The following STIM2 variants were observed in gnomAD, a reference collection of about 807,000 sequenced individuals.
STIM2 encodes the protein stromal interaction molecule 2.
STIM2 carries 31 observed loss-of-function variants against 85.8 expected under a neutral mutation model. That is an observed-to-expected ratio of 0.36 (90% CI 0.27 to 0.49). The LOEUF is 0.49. Among genes scored for constraint, STIM2 ranks in the 20% least tolerant of loss-of-function variants. STIM2 has a pLI of 0.98. For missense variants in STIM2, 841 were observed against 927.6 expected (o/e 0.91, Z 1.21); for synonymous variants, 356 against 331.1 (o/e 1.08, Z -0.82).
intron 1 of STIM2, among the ~76,000 whole-genome samples, chr4:26,888,972 A>G (rs1412307616): frequency 1.3e-5 from 2 of 152,302 alleles, no homozygotes; most frequent in African/African-American, 4.8e-5. Flanking sequence ...CAAAGTGGCC[A>G]GGTGGTAGTC....
rs185145058 is a variant in STIM2, at chr4:26,894,210, T to C, written c.152-25294T>C. Among the ~76,000 whole-genome samples the C allele has an allele frequency of 4.4e-3, 672 of 152,284 alleles. 8 individuals are homozygous for C. Among genetic ancestry groups the C allele is most frequent in the African/African-American group, 0.016 (651 of 41,564 alleles). ...CCTAATTCTTTATATTTCTGTTATA[T>C]TTGATCACAATTGCAATATCTCTTC... On this transcript the variant is annotated intron_variant, in intron 1 of 11. Transcript: ENST00000467087.
At chr4:26,929,291 T>C (rs1430366257) in intron 2 of STIM2, among the ~76,000 whole-genome samples, 3 of 152,204 alleles carry the variant, frequency 2.0e-5, no homozygotes, top group Non-Finnish European at 4.4e-5. Flanking sequence ...TGTGATGTGT[T>C]TGTATGCTTT....
rs891650490 is a variant in STIM2, at chr4:27,021,325, A to G, written c.1764-1194A>G. 15 of 416,664 alleles carry G rather than the reference A, an allele frequency of 3.6e-5. 1 individual carries two copies. The highest frequency in any genetic ancestry group is 3.0e-4 in the South Asian group (14 of 46,782). The allele number at this position is 416,664 out of a possible 1,614,324, so 25.8% of individuals were successfully genotyped here. ...GTAAGTTTTGGGGTTGCAAACAAAG[A>G]CAGGTAAAAGGAAAGAGAATGCTGT... On this transcript the variant is annotated intron_variant, in intron 11 of 11. Coordinates refer to ENST00000467087, the MANE Select transcript of STIM2 (RefSeq NM_020860.4).
At position 26,945,745 on chromosome 4, in the gene STIM2, G is replaced by A. The variant is rs1416211075; in HGVS notation, c.283-11867G>A. Reference sequence around the variant, plus strand: ...TATGCTTGTTGGCTGTATGTATGTCGTATTTTGAGAAGTGTCTGTTCATGT... The same window carrying A: ...TATGCTTGTTGGCTGTATGTATGTCATATTTTGAGAAGTGTCTGTTCATGT... On this transcript the variant is annotated intron_variant, in intron 2 of 11. Coordinates refer to ENST00000467087, the MANE Select transcript of STIM2 (RefSeq NM_020860.4). 3.9e-5 allele frequency among the ~76,000 whole-genome samples: 6 copies of A among 151,928 alleles called. No homozygotes were observed. The East Asian group carries it at 7.7e-4, about 20-fold the overall frequency.
intron 2 of STIM2, among the ~76,000 whole-genome samples, chr4:26,934,913 CAAAAAAAAAAAAA>C (rs1160656482): frequency 3.5e-5 from 2 of 57,614 alleles, no homozygotes; most frequent in African/African-American, 1.2e-4. Context: ...AACTCCATCT[CAAAAAAAAAAAAA>C]AAAAAAAAAA....
At chr4:26,958,532 A>T (rs1459326667) in intron 3 of STIM2, among the ~76,000 whole-genome samples, 1 of 152,200 alleles carries the variant, frequency 6.6e-6, no homozygotes, top group Non-Finnish European at 1.5e-5. Flanking sequence ...TAGAAGTGGG[A>T]AAATAAATAA....
chr4:26,989,437 AT>A lies in STIM2; in HGVS notation c.398-5940del, dbSNP rs528471275. On this transcript the variant is annotated intron_variant, in intron 3 of 11. Coordinates refer to ENST00000467087, the MANE Select transcript of STIM2 (RefSeq NM_020860.4). Reference sequence around the variant, plus strand: ...CCTTCATGATAAAAACCTTCAACAAATTGGGTATATAAGGAGCATACCTCAA... The same window carrying A: ...CCTTCATGATAAAAACCTTCAACAAATGGGTATATAAGGAGCATACCTCAA... Among the ~76,000 whole-genome samples the A allele has an allele frequency of 2.8e-4, 42 of 152,288 alleles. No individual in the cohort carries two copies. In the South Asian group the frequency reaches 8.7e-3, roughly 32 times the overall value.
chr4:26,886,241 A>G (rs1323924982), intron 1 of STIM2, among the ~76,000 whole-genome samples: 3 of 152,142 alleles, frequency 2.0e-5, no homozygotes, highest in East Asian at 3.8e-4. Context: ...AACTGAGAAG[A>G]TTGTTTGAAA....
At chr4:27,011,530 C>G (rs902184313) in intron 10 of STIM2, among the ~76,000 whole-genome samples, 1 of 152,156 alleles carries the variant, frequency 6.6e-6, no homozygotes, top group Non-Finnish European at 1.5e-5. Flanking sequence ...GCACCTTTTA[C>G]TAGTCATTGT....
chr4:26,870,373 G>A (rs537793498), intron 1 of STIM2, among the ~76,000 whole-genome samples: 239 of 151,216 alleles, frequency 1.6e-3, no homozygotes, highest in Non-Finnish European at 2.7e-3. Flanking sequence ...ATTTCATAAT[G>A]TATGCATATA....
chr4:26,966,863 A>G (rs1726744889), intron 3 of STIM2, among the ~76,000 whole-genome samples: 1 of 152,172 alleles, frequency 6.6e-6, no homozygotes, highest in Non-Finnish European at 1.5e-5. Flanking sequence ...AATAAAGCTT[A>G]TATCTTTCTA....
At chr4:26,889,621 C>T (rs1193521312) in intron 1 of STIM2, among the ~76,000 whole-genome samples, 2 of 152,176 alleles carry the variant, frequency 1.3e-5, no homozygotes, top group Non-Finnish European at 2.9e-5. Flanking sequence ...GGTGCCATAT[C>T]AGGGACTCAT....
At position 27,022,832 on chromosome 4, in the gene STIM2, C is replaced by T; in HGVS notation, c.2077C>T (p.Pro693Ser). The change falls in exon 12 of 12, where the codon CCT becomes TCT. Residue 693 changes from proline (P) to serine (S), a missense_variant. Physicochemically the swap from Pro to Ser is moderately conservative, Grantham distance 74. Transcript: ENST00000467087. Reference sequence around the variant, plus strand: ...TTCCAGTGGCATCCCGGTGCCTAAACCTCGCCACACATCATGTTCCTCAGC... The same window carrying T: ...TTCCAGTGGCATCCCGGTGCCTAAATCTCGCCACACATCATGTTCCTCAGC... The T allele has an allele frequency of 1.2e-6, 2 of 1,614,218 alleles. No individual in the cohort carries two copies. The highest frequency in any genetic ancestry group is 1.7e-6 in the Non-Finnish European group (2 of 1,180,042).
chr4:26,863,363 T>C (rs1722289482), intron 1 of STIM2, among the ~76,000 whole-genome samples: 1 of 152,180 alleles, frequency 6.6e-6, no homozygotes, highest in Non-Finnish European at 1.5e-5. Flanking sequence ...AAAGTTTAAA[T>C]CATAAAACTA....
chr4:26,939,016 T>C (rs1442227452), intron 2 of STIM2, among the ~76,000 whole-genome samples: 2 of 152,152 alleles, frequency 1.3e-5, no homozygotes, highest in Non-Finnish European at 2.9e-5. Flanking sequence ...TCTGTTAATA[T>C]TGGATGGTCT....
intron 1 of STIM2, among the ~76,000 whole-genome samples, chr4:26,882,077 C>A (rs955091448): frequency 6.6e-6 from 1 of 152,028 alleles, no homozygotes; most frequent in African/African-American, 2.4e-5. Flanking sequence ...GTTTTTATTT[C>A]TTTGATTATT....
chr4:26,899,816 T>A (rs1259301933), intron 1 of STIM2, among the ~76,000 whole-genome samples: 1 of 152,168 alleles, frequency 6.6e-6, no homozygotes, highest in African/African-American at 2.4e-5. Flanking sequence ...TTAATACAAT[T>A]GTTTAGATTT....
chr4:26,969,521 C>T (rs13115054), intron 3 of STIM2, among the ~76,000 whole-genome samples: 38,405 of 152,040 alleles, frequency 0.25, 4,941 homozygotes, highest in East Asian at 0.39. Context: ...GCTACATTCC[C>T]ACTGATCCCG....
chr4:27,008,399 A>G (rs549476873), intron 8 of STIM2, 29 bp from the exon 9 acceptor site: 1 of 1,401,132 alleles, frequency 7.1e-7, no homozygotes, highest in Admixed American at 2.2e-5. Flanking sequence ...TTTCAAACCT[A>G]GCCTTATTTA....
Sources: allele counts gnomAD v4.1 joint callset (sites outside exome capture counted in the v4.1 genomes callset), GRCh38; gene constraint gnomAD v4.1.1; transcripts MANE v1.5; gene names NCBI Gene and HGNC (gene_info 2026-07-23, HGNC 2026-07-21).